PTPRQ: variants seen among roughly 807,000 people sequenced by gnomAD.
PTPRQ encodes the protein phosphatidylinositol phosphatase PTPRQ.
A neutral mutation model predicts 246.0 loss-of-function variants in PTPRQ; 199 were observed. The ratio of observed to expected loss-of-function variants is 0.81; its 90% confidence interval spans 0.72 to 0.91. The LOEUF (loss-of-function observed/expected upper bound fraction) is 0.91, where lower values mean the gene tolerates loss of function less well. Ranked by LOEUF, PTPRQ falls within the 40% of genes least tolerant of loss-of-function variation. The probability of loss-of-function intolerance (pLI) is 0.00; values close to 1 mark genes in which losing one functional copy is unlikely to be tolerated. For synonymous variants in PTPRQ, 869 were observed against 853.2 expected, an observed-to-expected ratio of 1.02 and a Z score of -0.32; for missense variants, 2,624 against 2,528.4, an observed-to-expected ratio of 1.04 and a Z score of -0.81.
In PTPRQ at chr12:80,649,065, C is replaced by A. The variant is rs1238523981; in HGVS notation, c.5942+142C>A. The A allele has an allele frequency of 1.1e-5, 8 of 751,850 alleles. No individual in the cohort carries two copies. In the African/African-American group the frequency reaches 1.3e-4, roughly 12 times the overall value. The allele number at this position is 751,850 out of a possible 1,614,324, so 46.6% of individuals were successfully genotyped here. On this transcript the variant is annotated intron_variant, in intron 36 of 44. Coordinates refer to ENST00000644991, the MANE Select transcript of PTPRQ (RefSeq NM_001145026.2). The stretch of plus-strand genomic sequence containing the variant: ...CTGGATATAAATCATAAAAGCATGA[C>A]TAATTGCATGGTAACTGGAGAAATG...
chr12:80,531,362 G>A (rs1480432572), intron 17 of PTPRQ, among the ~76,000 whole-genome samples: 1 of 152,020 alleles, frequency 6.6e-6, no homozygotes, highest in African/African-American at 2.4e-5. Context: ...ATATTTTTAA[G>A]CTAATAAGAA....
intron 25 of PTPRQ, among the ~76,000 whole-genome samples, chr12:80,582,144 A>G (rs1355319113): frequency 6.6e-6 from 1 of 152,244 alleles, no homozygotes; most frequent in Non-Finnish European, 1.5e-5. Context: ...ATCATTTCAT[A>G]GAGGCTGGTA....
chr12:80,527,893 C>G (rs1042268981), intron 17 of PTPRQ, among the ~76,000 whole-genome samples: 1 of 151,932 alleles, frequency 6.6e-6, no homozygotes, highest in South Asian at 2.1e-4. Flanking sequence ...CAGGAGTTTG[C>G]GATCAGCCTG....
At chr12:80,659,529 C>A (rs982321509) in intron 39 of PTPRQ, among the ~76,000 whole-genome samples, 2 of 151,890 alleles carry the variant, frequency 1.3e-5, no homozygotes, top group African/African-American at 4.8e-5. Flanking sequence ...GTCTAATGTT[C>A]CATAAGGCAT....
intron 24 of PTPRQ, among the ~76,000 whole-genome samples, chr12:80,547,571 T>C (rs1896345766): frequency 1.3e-5 from 2 of 152,222 alleles, no homozygotes; most frequent in South Asian, 2.1e-4. Flanking sequence ...CTGTAACAAA[T>C]GCAAAATAAA....
chr12:80,510,223 T>C, intron 16 of PTPRQ, 100 bp from the exon 17 acceptor site: 1 of 1,222,942 alleles, frequency 8.2e-7, no homozygotes, highest in Non-Finnish European at 1.1e-6. Flanking sequence ...ACCTAATTCC[T>C]TTACCAGAAA....
intron 26 of PTPRQ, among the ~76,000 whole-genome samples, chr12:80,596,607 G>T (rs1592699583): frequency 6.6e-6 from 1 of 151,926 alleles, no homozygotes; most frequent in East Asian, 1.9e-4. Flanking sequence ...ACTCTTCTGA[G>T]AATCTTCTTT....
rs374632653 is a variant in PTPRQ, at chr12:80,678,858, A to G, written c.6863-128A>G. The G allele has an allele frequency of 5.2e-5, 73 of 1,416,458 alleles. No homozygotes were observed. The African/African-American group carries it at 1.0e-3, about 20-fold the overall frequency. 87.7% of individuals were successfully genotyped at this position (1,416,458 alleles called of 1,614,324 possible). On this transcript the variant is annotated intron_variant, in intron 44 of 44. Transcript: ENST00000644991. Reference sequence around the variant, plus strand: ...TGCACAGATCAGGTTTTTTTTCTTTAACTTTTCTCTAATCCAAGTTGGGCT... The same window carrying G: ...TGCACAGATCAGGTTTTTTTTCTTTGACTTTTCTCTAATCCAAGTTGGGCT...
rs186073366 is a variant in PTPRQ at position 80,549,601 on chromosome 12, T to C, written c.4152T>C (p.Val1384=). 6.5e-5 allele frequency: 101 copies of C among 1,551,228 alleles called. No individual in the cohort carries two copies. The African/African-American group carries it at 1.3e-3, about 19-fold the overall frequency. Reference sequence around the variant, plus strand: ...CAGTTGAAAGGAATTCTACAAAAGTTTCTCCCCAAGATCACATGTACACTT... The same window carrying C: ...CAGTTGAAAGGAATTCTACAAAAGTCTCTCCCCAAGATCACATGTACACTT... The part of the protein sequence containing the change: ...MVTVERNSTK[V]SPQDHMYTFI... The change falls in exon 25 of 45, where the codon GTT becomes GTC. Residue 1384 remains valine, a synonymous_variant. Transcript: ENST00000644991.
chr12:80,645,765 T>G (rs1446862356), intron 35 of PTPRQ, among the ~76,000 whole-genome samples: 1 of 151,962 alleles, frequency 6.6e-6, no homozygotes, highest in Non-Finnish European at 1.5e-5. Context: ...ATAAGTAAAA[T>G]TTCCGTTGTA....
At position 80,592,178 on chromosome 12, in the gene PTPRQ, A is replaced by G. The variant is rs79826061; in HGVS notation, c.4609+3726A>G. Among the ~76,000 whole-genome samples, 617 of 152,302 alleles carry G rather than the reference A, an allele frequency of 4.1e-3. 24 individuals carry two copies. In the South Asian group the frequency reaches 0.066, roughly 16 times the overall value. ...ACTGTGATTAGGAGAGAAAGATGAA[A>G]AGATTTATATTTTTCAACTTCGTGA... On this transcript the variant is annotated intron_variant, in intron 26 of 44. Coordinates refer to ENST00000644991, the MANE Select transcript of PTPRQ (RefSeq NM_001145026.2).
chr12:80,466,540 C>T, intron 6 of PTPRQ, among the ~76,000 whole-genome samples: 1 of 152,198 alleles, frequency 6.6e-6, no homozygotes, highest in East Asian at 1.9e-4. Flanking sequence ...AAGGAGCCCG[C>T]ATTGCCAAGT....
At chr12:80,619,777 T>A (rs990612305) in intron 31 of PTPRQ, among the ~76,000 whole-genome samples, 1 of 151,738 alleles carries the variant, frequency 6.6e-6, no homozygotes, top group Non-Finnish European at 1.5e-5. Context: ...AATTATTTAT[T>A]CTTTTTTACC....
intron 25 of PTPRQ, among the ~76,000 whole-genome samples, chr12:80,566,309 CT>C (rs762054055): frequency 2.6e-4 from 39 of 152,076 alleles, no homozygotes; most frequent in Non-Finnish European, 5.1e-4. Context: ...AAAACCCCGT[CT>C]CTACTAAAAA....
intron 39 of PTPRQ, among the ~76,000 whole-genome samples, chr12:80,662,652 A>G (rs1900668497): frequency 1.3e-5 from 2 of 151,996 alleles, no homozygotes. Context: ...TTGATGTTTC[A>G]TGGTAGTAGA....
In PTPRQ at chr12:80,649,330, T is replaced by C. The variant is rs78143369; in HGVS notation, c.5943-258T>C. ...CCTTACATTTACTTGAAAAATTTTC[T>C]TCATTAAAATGCTAAATCCTTTATT... is the stretch of plus-strand genomic sequence containing the variant. On this transcript the variant is annotated intron_variant, in intron 36 of 44. Transcript: ENST00000644991. 3.3e-5 allele frequency among the ~76,000 whole-genome samples: 5 copies of C among 152,280 alleles called. No individual in the cohort carries two copies. In the East Asian group the frequency reaches 9.6e-4, roughly 29 times the overall value.
chr12:80,552,220 G>C (rs1046415416), intron 25 of PTPRQ, among the ~76,000 whole-genome samples: 1 of 152,050 alleles, frequency 6.6e-6, no homozygotes, highest in Non-Finnish European at 1.5e-5. Flanking sequence ...GGGGTGACAG[G>C]TGTTTTCCCA....
At chr12:80,585,210 G>A (rs996575648) in intron 25 of PTPRQ, among the ~76,000 whole-genome samples, 5 of 151,760 alleles carry the variant, frequency 3.3e-5, no homozygotes, top group South Asian at 4.2e-4. Context: ...CCCCTCTTAC[G>A]GTCACCCACA....
intron 39 of PTPRQ, among the ~76,000 whole-genome samples, chr12:80,664,371 GT>G (rs1159366882): frequency 1.1e-4 from 17 of 151,900 alleles, no homozygotes; most frequent in African/African-American, 3.9e-4. Context: ...CTGCATCTGT[GT>G]CCATATACTC....
Sources: allele counts gnomAD v4.1 joint callset (sites outside exome capture counted in the v4.1 genomes callset), GRCh38; gene constraint gnomAD v4.1.1; transcripts MANE v1.5; gene names NCBI Gene and HGNC (gene_info 2026-07-23, HGNC 2026-07-21).